Variants in GLDN observed in about 807,000 individuals in gnomAD.
The protein encoded by GLDN is collomin.
In GLDN, 47 loss-of-function variants were observed where a neutral mutation model predicts 56.5. The observed-to-expected ratio is 0.83, with a 90% CI of 0.66 to 1.06. GLDN has a LOEUF of 1.06. Among genes scored for constraint, GLDN ranks in the 50% least tolerant of loss-of-function variants. GLDN has a pLI of 0.00. For synonymous variants in GLDN, 332 were observed against 278.8 expected (o/e 1.19, Z -1.90); for missense variants, 782 against 714.3 (o/e 1.09, Z -1.08).
intron 1 of GLDN, among the ~76,000 whole-genome samples, chr15:51,343,724 G>T (rs562380290): frequency 2.0e-5 from 3 of 152,258 alleles, no homozygotes; most frequent in African/African-American, 7.2e-5. Flanking sequence ...AGTCATGAGG[G>T]CCTGTCCCTG....
At chr15:51,411,835 G>A (rs2446407), downstream of GLDN, among the ~76,000 whole-genome samples, 2 of 152,090 alleles carry the variant, frequency 1.3e-5, no homozygotes, top group African/African-American at 2.4e-5. Flanking sequence ...GATCTAACCT[G>A]AAGGACATAG....
chr15:51,412,773 CT>C (rs200529062), downstream of GLDN, among the ~76,000 whole-genome samples: 145 of 151,786 alleles, frequency 9.6e-4, no homozygotes, highest in Non-Finnish European at 1.9e-3. Context: ...GGTGGGCTGC[CT>C]TTTTTTTGTA....
intron 1 of GLDN, among the ~76,000 whole-genome samples, chr15:51,363,699 A>G (rs554202269): frequency 3.4e-4 from 52 of 152,226 alleles, no homozygotes; most frequent in Non-Finnish European, 5.4e-4. Context: ...GCGATCAGGA[A>G]GCGTTTCGAG....
rs145926803 is a variant in GLDN at position 51,404,579 on chromosome 15, T to C, written c.1481T>C (p.Phe494Ser). The change falls in exon 10 of 10, where the codon TTT (phenylalanine) becomes TCT (serine). Residue 494 changes from phenylalanine (F) to serine (S), a missense_variant. Physicochemically the swap from Phe to Ser is radical, Grantham distance 155 (BLOSUM62 -2). Coordinates refer to ENST00000335449, the MANE Select transcript of GLDN (RefSeq NM_181789.4). ...VTDTKDMRVT[F>S]AFDLLGGKQI... ...GACACCAAAGATATGAGGGTCACAT[T>C]TGCCTTTGATTTGTTAGGAGGGAAA... is the stretch of plus-strand genomic sequence containing the variant. 6.2e-7 allele frequency: 1 copy of C among 1,614,220 alleles called. No individual in the cohort carries two copies. Among genetic ancestry groups the C allele is most frequent in the Non-Finnish European group, 8.5e-7 (1 of 1,180,048 alleles).
At chr15:51,349,022 T>C (rs948629143) in intron 1 of GLDN, among the ~76,000 whole-genome samples, 1 of 152,250 alleles carries the variant, frequency 6.6e-6, no homozygotes, top group Non-Finnish European at 1.5e-5. Context: ...TTTCTAAAAA[T>C]CAATTCCATC....
intron 1 of GLDN, among the ~76,000 whole-genome samples, chr15:51,349,329 T>G (rs2141048562): frequency 6.6e-6 from 1 of 152,382 alleles, no homozygotes; most frequent in South Asian, 2.1e-4. Flanking sequence ...TTGGACTGGG[T>G]TATTTCCAAA....
In GLDN at chr15:51,397,581, T is replaced by C; in HGVS notation, c.800T>C (p.Phe267Ser). 6.3e-7 allele frequency: 1 copy of C among 1,598,068 alleles called. No homozygotes were observed. Among genetic ancestry groups the C allele is most frequent in the East Asian group, 2.3e-5 (1 of 43,136 alleles). The change falls in exon 6 of 10, where the codon TTC becomes TCC. Residue 267 changes from phenylalanine to serine, a missense_variant. Transcript: ENST00000335449. ...RAKGPRQPSM[F>S]NGQCPGETCA... The stretch of plus-strand genomic sequence containing the variant: ...AAAGGCCCTCGGCAGCCAAGCATGT[T>C]CAACGGCCAGTGCCCAGGTCACCAC...
chr15:51,396,638 A>C lies in GLDN; in HGVS notation c.689-832A>C, dbSNP rs183208952. On this transcript the variant is annotated intron_variant, in intron 5 of 9. Coordinates refer to ENST00000335449, the MANE Select transcript of GLDN (RefSeq NM_181789.4). ...AGAGAACACCATTTCTGAATCAGAGACTTTGCTAGTAGCTGGAAATGAGGA... is the reference window on the plus strand; with the variant it reads ...AGAGAACACCATTTCTGAATCAGAGCCTTTGCTAGTAGCTGGAAATGAGGA... Among the ~76,000 whole-genome samples the C allele has an allele frequency of 3.3e-5, 5 of 152,314 alleles. No individual in the cohort carries two copies. The East Asian group carries it at 9.6e-4, about 29-fold the overall frequency.
chr15:51,392,173 A>C (rs1352794677), intron 4 of GLDN, among the ~76,000 whole-genome samples: 1 of 152,160 alleles, frequency 6.6e-6, no homozygotes, highest in East Asian at 1.9e-4. Context: ...TAAGAGCTCC[A>C]GGTTTACGTT....
At chr15:51,356,205 CAAA>C (rs368789885) in intron 1 of GLDN, among the ~76,000 whole-genome samples, 6 of 119,046 alleles carry the variant, frequency 5.0e-5, no homozygotes, top group Non-Finnish European at 3.7e-5. Context: ...GACTCTGTCT[CAAA>C]AAAAAAAAAA....
Position 51,394,790 on chromosome 15 carries a change from A to T in GLDN, c.542-45A>T. The stretch of plus-strand genomic sequence containing the variant: ...CAGTAATATAAAGTGGTGTGCCAGA[A>T]CTTTTTGCACCATAGGCTAATATGT... On this transcript the variant is annotated intron_variant, in intron 4 of 9. Transcript: ENST00000335449. The T allele has an allele frequency of 1.9e-6, 3 of 1,611,422 alleles. No individual in the cohort carries two copies. The South Asian group carries it at 3.3e-5, about 18-fold the overall frequency.
At position 51,342,488 on chromosome 15, in the gene GLDN, G is replaced by A. The variant is rs964844114; in HGVS notation, c.363+441G>A. Among the ~76,000 whole-genome samples, 6 of 152,088 alleles carry A rather than the reference G, an allele frequency of 3.9e-5. No individual in the cohort carries two copies. In the South Asian group the frequency reaches 1.2e-3, roughly 32 times the overall value. On this transcript the variant is annotated intron_variant, in intron 1 of 9. Transcript: ENST00000335449. ...AAGAGCGTAGGCTTTTTCAATAAAG[G>A]GATTCTTTCCCTGGCATCAACTAGT... is the stretch of plus-strand genomic sequence containing the variant.
intron 1 of GLDN, among the ~76,000 whole-genome samples, chr15:51,354,762 C>A (rs2037142477): frequency 6.6e-6 from 1 of 152,098 alleles, no homozygotes; most frequent in Non-Finnish European, 1.5e-5. Context: ...GAGAATGAAC[C>A]TAATGAGGAA....
intron 1 of GLDN, among the ~76,000 whole-genome samples, chr15:51,370,317 G>A (rs924171244): frequency 1.3e-5 from 2 of 152,086 alleles, no homozygotes; most frequent in African/African-American, 4.8e-5. Context: ...CATCTGTCAT[G>A]TCCAACCCTC....
chr15:51,341,813 G>C lies in GLDN; in HGVS notation c.129G>C (p.Gly43=). Residue 43 remains glycine, a synonymous_variant, in exon 1 of 10, where the codon GGG becomes GGC. Transcript: ENST00000335449. ...GTVFALCQWR[G]LSSALRALEA... ...TGTTCGCGCTGTGCCAGTGGCGCGGGCTGAGCTCGGCGCTGCGGGCTTTGG... is the reference window on the plus strand; with the variant it reads ...TGTTCGCGCTGTGCCAGTGGCGCGGCCTGAGCTCGGCGCTGCGGGCTTTGG... 6.6e-7 allele frequency: 1 copy of C among 1,514,068 alleles called. No homozygotes were observed. The highest frequency in any genetic ancestry group is 8.8e-7 in the Non-Finnish European group (1 of 1,139,690). 93.8% of individuals were successfully genotyped at this position (1,514,068 alleles called of 1,614,324 possible). A position where few individuals can be genotyped will look rare whatever the true frequency, so the allele number is the denominator to read the frequency against.
At chr15:51,381,973 G>T (rs1390045132) in intron 2 of GLDN, among the ~76,000 whole-genome samples, 2 of 151,992 alleles carry the variant, frequency 1.3e-5, no homozygotes, top group Admixed American at 6.5e-5. Context: ...TACACCTCCT[G>T]GTTTGACATT....
At position 51,341,952 on chromosome 15, in the gene GLDN, G is replaced by A. The variant is rs754005843; in HGVS notation, c.268G>A (p.Ala90Thr). The A allele has an allele frequency of 1.9e-6, 3 of 1,597,448 alleles. No individual in the cohort carries two copies. The highest frequency in any genetic ancestry group is 2.5e-6 in the Non-Finnish European group (3 of 1,179,442). ...SAPPQDPASS[A>T]RNKRSHSGEP... ...ACCACCCCAAGACCCGGCCAGCTCA[G>A]CTCGCAACAAGCGCAGCCACAGCGG... The change falls in exon 1 of 10, where the codon GCT (alanine) becomes ACT (threonine). Residue 90 changes from alanine to threonine, a missense_variant. Coordinates refer to ENST00000335449, the MANE Select transcript of GLDN (RefSeq NM_181789.4).
At chr15:51,350,299 C>G (rs1398063672) in intron 1 of GLDN, among the ~76,000 whole-genome samples, 1 of 152,140 alleles carries the variant, frequency 6.6e-6, no homozygotes, top group Non-Finnish European at 1.5e-5. Flanking sequence ...TCTATCTGTT[C>G]TCTTTGATTG....
At chr15:51,399,963 T>C (rs1042489064) in intron 6 of GLDN, among the ~76,000 whole-genome samples, 1 of 152,322 alleles carries the variant, frequency 6.6e-6, no homozygotes, top group Admixed American at 6.5e-5. Context: ...TCTTAGCAAC[T>C]GTACTCCTGA....
Sources: gnomAD v4.1 joint callset for allele counts (sites outside exome capture counted in the v4.1 genomes callset) on GRCh38, gnomAD v4.1.1 for gene constraint, MANE v1.5 for transcripts, NCBI Gene and HGNC (gene_info 2026-07-23, HGNC 2026-07-21) for gene names.